Variants in MRC2 observed in about 807,000 individuals in gnomAD.
The protein encoded by MRC2 is mannose receptor C-type 2.
In MRC2, 84 loss-of-function variants were observed where a neutral mutation model predicts 206.2. That is an observed-to-expected ratio of 0.41 (90% confidence interval 0.34 to 0.49). The LOEUF (loss-of-function observed/expected upper bound fraction) is 0.49, where lower values mean the gene tolerates loss of function less well. Ranked by LOEUF, MRC2 falls within the 20% of genes least tolerant of loss-of-function variation. The pLI, the probability that MRC2 is intolerant of heterozygous loss-of-function variation, is 0.31. For synonymous variants in MRC2, 798 were observed against 800.0 expected, an observed-to-expected ratio of 1.00 and a Z score of 0.04; for missense variants, 1,676 against 2,001.5, an observed-to-expected ratio of 0.84 and a Z score of 3.10.
At chr17:62,663,215 A>T (rs1360425772) in intron 1 of MRC2, among the ~76,000 whole-genome samples, 1 of 71,178 alleles carries the variant, frequency 1.4e-5, no homozygotes, top group African/African-American at 5.5e-5. Context: ...TCCCTCCCTC[A>T]TTCCCTCCTT....
chr17:62,688,192 C>T (rs2089055879), intron 20 of MRC2, 97 bp from the exon 21 acceptor site: 1 of 1,024,750 alleles, frequency 9.8e-7, no homozygotes, highest in Non-Finnish European at 1.5e-6. Flanking sequence ...CCTCAAAGGC[C>T]CCCCAGGACC....
chr17:62,648,000 TGA>T (rs2088510760), intron 1 of MRC2, among the ~76,000 whole-genome samples: 1 of 152,144 alleles, frequency 6.6e-6, no homozygotes, highest in Non-Finnish European at 1.5e-5. Flanking sequence ...AGGAGGACAC[TGA>T]GAGTGGAGGG....
In MRC2 at chr17:62,688,847, C is replaced by G. The variant is rs201713767; in HGVS notation, c.3226-5C>G. 1.2e-4 allele frequency: 199 copies of G among 1,607,210 alleles called. No homozygotes were observed. The highest frequency in any genetic ancestry group is 1.6e-4 in the Non-Finnish European group (189 of 1,177,182). ...GGGCTCCCCTGAGCAGCTCCCTCCCCCCAGACCAGCTGTGCAGTGGTCCTG... is the reference window on the plus strand; with the variant it reads ...GGGCTCCCCTGAGCAGCTCCCTCCCGCCAGACCAGCTGTGCAGTGGTCCTG... On this transcript the variant is annotated splice_polypyrimidine_tract_variant and splice_region_variant and intron_variant, in intron 22 of 29. Transcript: ENST00000303375.
Position 62,678,681 on chromosome 17 carries a change from C to A in MRC2, c.2195+35C>A, listed in dbSNP as rs189894236. On this transcript the variant is annotated intron_variant, in intron 13 of 29. Transcript: ENST00000303375. Reference sequence around the variant, plus strand: ...CGGGCTGAGGCGTGTTAGGAGGGCACCCGCACACGTGTAGGAGCAGGCATG... The same window carrying A: ...CGGGCTGAGGCGTGTTAGGAGGGCAACCGCACACGTGTAGGAGCAGGCATG... The A allele has an allele frequency of 4.4e-6, 7 of 1,594,566 alleles. No homozygotes were observed. In the East Asian group the frequency reaches 1.1e-4, roughly 26 times the overall value.
In MRC2 at chr17:62,680,843, C is replaced by G. The variant is rs1178088940; in HGVS notation, c.2517C>G (p.Phe839Leu). The change falls in exon 17 of 30, where the codon TTC becomes TTG. Residue 839 changes from phenylalanine (F) to leucine (L), a missense_variant. Around this residue, in one of 3 missense-constraint regions of MRC2, gnomAD observed 1,354 missense variants for 1,636.6 expected, o/e 0.83. Coordinates refer to ENST00000303375, the MANE Select transcript of MRC2 (RefSeq NM_006039.5). The surrounding 1 kb of genome is among the most constrained non-coding windows in gnomAD (Gnocchi z 4.8). ...WLRFQEAEYK[F>L]FEHHSTWAQA... Reference sequence around the variant, plus strand: ...GCTTCCAGGAGGCCGAGTACAAGTTCTTTGAGCACCACTCCACGTGGGCGC... The same window carrying G: ...GCTTCCAGGAGGCCGAGTACAAGTTGTTTGAGCACCACTCCACGTGGGCGC... 6.2e-7 allele frequency: 1 copy of G among 1,612,850 alleles called. No homozygotes were observed. The highest frequency in any genetic ancestry group is 1.3e-5 in the African/African-American group (1 of 74,948).
rs755258244 is a variant in MRC2 at position 62,692,287 on chromosome 17, C to T, written c.4276C>T (p.Leu1426=). 8 of 1,599,482 alleles carry T rather than the reference C, an allele frequency of 5.0e-6. No individual in the cohort carries two copies. The Admixed American group carries it at 5.2e-5, about 10-fold the overall frequency. ...VVVLMAVLLL[L]ALLTAALILY... ...GGTGCTGATGGCGGTGCTGCTGCTC[C>T]TGGCCTTGCTGACCGCAGCCCTCAT... The change falls in exon 30 of 30, where the codon CTG becomes TTG. Residue 1426 remains leucine (L), a synonymous_variant. Transcript: ENST00000303375. This position sits in a 1 kb window ranked among gnomAD's most constrained non-coding sequence, Gnocchi z 4.2.
At chr17:62,662,727 T>A (rs572885141) in intron 1 of MRC2, among the ~76,000 whole-genome samples, 1 of 152,046 alleles carries the variant, frequency 6.6e-6, no homozygotes, top group East Asian at 1.9e-4. Context: ...CTGACCAACA[T>A]GGAGAAATCT....
In MRC2 at chr17:62,677,602, G is replaced by T. The variant is rs80181739; in HGVS notation, c.2052+116G>T. 1,046 of 929,630 alleles carry T rather than the reference G, an allele frequency of 1.1e-3. 7 individuals carry two copies. The African/African-American group carries it at 0.016, about 14-fold the overall frequency. 57.6% of individuals were successfully genotyped at this position (929,630 alleles called of 1,614,324 possible). A position where few individuals can be genotyped will look rare whatever the true frequency, so the allele number is the denominator to read the frequency against. The stretch of plus-strand genomic sequence containing the variant: ...TCCAGAGACACACCAGGCTGCAGAC[G>T]GGTGATTTCTGGTGAGACTTGTCCA... On this transcript the variant is annotated intron_variant, in intron 12 of 29. Coordinates refer to ENST00000303375, the MANE Select transcript of MRC2 (RefSeq NM_006039.5).
Position 62,689,488 on chromosome 17 carries a change from G to A in MRC2, c.3335-34G>A. 2.8e-6 allele frequency: 4 copies of A among 1,413,056 alleles called. No homozygotes were observed. The South Asian group carries it at 4.2e-5, about 15-fold the overall frequency. The allele number at this position is 1,413,056 out of a possible 1,614,324, so 87.5% of individuals were successfully genotyped here. A position where few individuals can be genotyped will look rare whatever the true frequency, so the allele number is the denominator to read the frequency against. Reference sequence around the variant, plus strand: ...GCCTGGGAACGGGGTGAGGGAAGCAGAGCCCAGCCTGAACCCTGACCCCTT... The same window carrying A: ...GCCTGGGAACGGGGTGAGGGAAGCAAAGCCCAGCCTGAACCCTGACCCCTT... On this transcript the variant is annotated intron_variant, in intron 23 of 29. Transcript: ENST00000303375.
intron 1 of MRC2, among the ~76,000 whole-genome samples, chr17:62,658,683 T>C (rs1263012760): frequency 6.6e-6 from 1 of 152,246 alleles, no homozygotes; most frequent in Non-Finnish European, 1.5e-5. Context: ...CTTGGGCTAT[T>C]GTGGGCTCAC....
intron 6 of MRC2, among the ~76,000 whole-genome samples, chr17:62,668,820 G>A (rs781027514): frequency 3.9e-5 from 6 of 152,136 alleles, no homozygotes; most frequent in Admixed American, 2.0e-4. Flanking sequence ...AATGGACAGG[G>A]TCTGCTTTAG....
intron 22 of MRC2, 32 bp from the exon 23 acceptor site, chr17:62,688,820 T>C: frequency 6.3e-7 from 1 of 1,588,684 alleles, no homozygotes; most frequent in Non-Finnish European, 8.6e-7. Context: ...AGGCAGCTGC[T>C]GGGGCTCCCC....
intron 1 of MRC2, among the ~76,000 whole-genome samples, chr17:62,638,255 G>A (rs1331098749): frequency 2.0e-5 from 3 of 151,946 alleles, no homozygotes; most frequent in Non-Finnish European, 4.4e-5. Context: ...GGCAATGAGA[G>A]TTACCCTTCT....
At chr17:62,676,947 A>G (rs1444831159) in intron 11 of MRC2, among the ~76,000 whole-genome samples, 3 of 152,270 alleles carry the variant, frequency 2.0e-5, no homozygotes, top group Admixed American at 6.5e-5. Context: ...TGAGCGCAAT[A>G]CAAGTGCTTG....
At position 62,667,504 on chromosome 17, in the gene MRC2, C is replaced by T. The variant is rs751902038; in HGVS notation, c.1088C>T (p.Pro363Leu). The T allele has an allele frequency of 1.2e-6, 2 of 1,611,732 alleles. No homozygotes were observed. The highest frequency in any genetic ancestry group is 1.7e-6 in the Non-Finnish European group (2 of 1,179,484). ...IALPYVCKKK[P>L]NATAEPTPPD... is the part of the protein sequence containing the mutation. ...CTGCCCTATGTGTGCAAGAAGAAGC[C>T]CAACGCCACGGCCGAGCCCACCCCT... is the stretch of plus-strand genomic sequence containing the variant. The change falls in exon 6 of 30, where the codon CCC becomes CTC. Residue 363 changes from proline (P) to leucine (L), a missense_variant. Physicochemically the swap from Pro to Leu is moderately conservative, Grantham distance 98 (BLOSUM62 -3). Transcript: ENST00000303375. The surrounding 1 kb of genome is among the most constrained non-coding windows in gnomAD (Gnocchi z 4.1).
chr17:62,690,660 C>G lies in MRC2; in HGVS notation c.3911C>G (p.Ser1304Cys), dbSNP rs1240882450. 1.9e-6 allele frequency: 3 copies of G among 1,611,514 alleles called. No homozygotes were observed. Among genetic ancestry groups the G allele is most frequent in the Non-Finnish European group, 1.7e-6 (2 of 1,178,886 alleles). Reference protein sequence around the residue: ...RCQRAGGAVLSILDEMENVFV... With the variant: ...RCQRAGGAVLCILDEMENVFV... ...CATCCAGCGGGTGGGGCCGTCCTGT[C>G]TATCCTGGATGAGATGGAGAATGTG... Residue 1304 changes from serine (S) to cysteine (C), a missense_variant, in exon 27 of 30, where the codon TCT becomes TGT. By Grantham distance (112) the Ser-to-Cys change is moderately radical (BLOSUM62 -1). This residue lies in a region of MRC2 where 1,354 missense variants were observed against 1,636.6 expected (regional missense o/e 0.83). Coordinates refer to ENST00000303375, the MANE Select transcript of MRC2 (RefSeq NM_006039.5).
At chr17:62,637,667 T>TC (rs916515447) in intron 1 of MRC2, among the ~76,000 whole-genome samples, 4 of 152,142 alleles carry the variant, frequency 2.6e-5, no homozygotes, top group African/African-American at 7.2e-5. Flanking sequence ...AGGCTTTTTT[T>TC]CCCTGCCAGG....
intron 1 of MRC2, among the ~76,000 whole-genome samples, chr17:62,638,778 C>T (rs1228012530): frequency 2.7e-5 from 4 of 147,764 alleles, no homozygotes; most frequent in East Asian, 4.0e-4. Context: ...ATTAGCCAGG[C>T]GTGGTGGTGG....
chr17:62,645,026 CAA>C (rs1308110887), intron 1 of MRC2, among the ~76,000 whole-genome samples: 1 of 152,150 alleles, frequency 6.6e-6, no homozygotes, highest in East Asian at 1.9e-4. Flanking sequence ...CAACAGGACA[CAA>C]AATTTTATAA....
Sources: gnomAD v4.1 joint callset for allele counts (sites outside exome capture counted in the v4.1 genomes callset) on GRCh38, gnomAD v4.1.1 for gene constraint, gnomAD v4.1.1 regional missense constraint, Gnocchi (gnomAD v3.1) non-coding constraint, MANE v1.5 for transcripts, NCBI Gene and HGNC (gene_info 2026-07-23, HGNC 2026-07-21) for gene names.